ERCC3: variants seen among roughly 807,000 people sequenced by gnomAD.
The protein encoded by ERCC3 is ERCC excision repair 3, TFIIH core complex helicase subunit, also known as general transcription and DNA repair factor IIH helicase/translocase subunit XPB.
Under a neutral mutation model 94.2 loss-of-function variants are expected in ERCC3, and 66 were observed. The ratio of observed to expected loss-of-function variants is 0.70; its 90% CI spans 0.57 to 0.86. The LOEUF is 0.86. Ranked by LOEUF, ERCC3 falls within the 40% of genes least tolerant of loss-of-function variation. ERCC3 has a pLI of 0.00. For synonymous variants in ERCC3, 349 were observed against 369.1 expected, an observed-to-expected ratio of 0.95 and a Z score of 0.63; for missense variants, 829 against 987.1, an observed-to-expected ratio of 0.84 and a Z score of 2.15.
Position 127,257,640 on chromosome 2 carries a change from G to A in ERCC3, c.2305C>T (p.Pro769Ser). The A allele has an allele frequency of 2.5e-6, 4 of 1,614,152 alleles. No homozygotes were observed. The highest frequency in any genetic ancestry group is 3.4e-6 in the Non-Finnish European group (4 of 1,180,032). ...MEYHSSRSKA[P>S]SKHVHPLFKR... The stretch of plus-strand genomic sequence containing the variant: ...AAGAGCGGGTGTACATGTTTGCTGG[G>A]CGCCTTGCTCCGCGATGAGTGGTAC... The change falls in exon 15 of 15, where the codon CCC becomes TCC. Residue 769 changes from proline (P) to serine (S), a missense_variant. Transcript: ENST00000285398. The surrounding 1 kb of genome is among the most constrained non-coding windows in gnomAD (Gnocchi z 5.4).
chr2:127,259,385 G>T lies in ERCC3; in HGVS notation c.2128C>A (p.Gln710Lys). Residue 710 changes from glutamine to lysine, a missense_variant, in exon 14 of 15, where the codon CAG (glutamine) becomes AAG (lysine). Gln to Lys is a moderately conservative substitution (Grantham distance 53). Transcript: ENST00000285398. This position sits in a 1 kb window ranked among gnomAD's most constrained non-coding sequence, Gnocchi z 4.9. Reference protein sequence around the residue: ...DLAFSTKEEQQQLLQKVLAAT... With the variant: ...DLAFSTKEEQKQLLQKVLAAT... Reference sequence around the variant, plus strand: ...GCCAGGACTTTCTGTAAGAGCTGCTGTTGCTCTTCTTTTGTCGAAAACGCC... The same window carrying T: ...GCCAGGACTTTCTGTAAGAGCTGCTTTTGCTCTTCTTTTGTCGAAAACGCC... 6.2e-7 allele frequency: 1 copy of T among 1,614,218 alleles called. No homozygotes were observed. The highest frequency in any genetic ancestry group is 8.5e-7 in the Non-Finnish European group (1 of 1,180,044).
rs1684962148 is a variant in ERCC3, at chr2:127,282,942, C to T, written c.1343-2311G>A. On this transcript the variant is annotated intron_variant, in intron 8 of 14. Transcript: ENST00000285398. The stretch of plus-strand genomic sequence containing the variant: ...GTTAAAGAAAAACATGAACGTGTAC[C>T]AAACATATAGTCAGACAGAATGCCT... 2.0e-5 allele frequency among the ~76,000 whole-genome samples: 3 copies of T among 152,058 alleles called. No individual in the cohort carries two copies. The South Asian group carries it at 6.2e-4, about 32-fold the overall frequency.
chr2:127,279,290 G>A lies in ERCC3; in HGVS notation c.1613C>T (p.Pro538Leu). 1 of 1,613,890 alleles carries A rather than the reference G, an allele frequency of 6.2e-7. No homozygotes were observed. The highest frequency in any genetic ancestry group is 8.5e-7 in the Non-Finnish European group (1 of 1,179,842). Residue 538 changes from proline (P) to leucine (L), a missense_variant, in exon 10 of 15, where the codon CCC becomes CTC. Pro to Leu is a moderately conservative substitution (Grantham distance 98). Transcript: ENST00000285398. The surrounding 1 kb of genome is among the most constrained non-coding windows in gnomAD (Gnocchi z 4.7). ...KKRILLYTMN[P>L]NKFRACQFLI... is the part of the protein sequence containing the mutation. ...AAACTGGCAAGCTCTAAATTTGTTG[G>A]GGTTCATGGTGTACAGCAAGATTCG...
At chr2:127,290,089 T>G (rs150916355) in intron 4 of ERCC3, 135 bp downstream of exon 4, 2 of 844,632 alleles carry the variant, frequency 2.4e-6, no homozygotes, top group African/African-American at 3.3e-5. Flanking sequence ...GGGCCACATC[T>G]CTTGTTTCTC....
chr2:127,270,871 C>T (rs981708953), intron 12 of ERCC3, among the ~76,000 whole-genome samples: 46 of 152,360 alleles, frequency 3.0e-4, no homozygotes, highest in African/African-American at 7.7e-4. Context: ...TGCAAGCTGC[C>T]ACCAGGGCGG....
chr2:127,265,214 T>A (rs2104738280), intron 12 of ERCC3, among the ~76,000 whole-genome samples: 1 of 152,304 alleles, frequency 6.6e-6, no homozygotes, highest in South Asian at 2.1e-4. Flanking sequence ...TCAATTAATT[T>A]CTGATTCAAT....
chr2:127,271,977 G>A lies in ERCC3; in HGVS notation c.1828-524C>T, dbSNP rs909621864. On this transcript the variant is annotated intron_variant, in intron 11 of 14. Transcript: ENST00000285398. This position sits in a 1 kb window ranked among gnomAD's most constrained non-coding sequence, Gnocchi z 5.0. ...ACATGAAGGTTTGGTGCTTATAAGC[G>A]CCCAGCCACAATCACATAAAATCTC... is the stretch of plus-strand genomic sequence containing the variant. Among the ~76,000 whole-genome samples the A allele has an allele frequency of 4.8e-5, 7 of 146,270 alleles. No individual in the cohort carries two copies. Among genetic ancestry groups the A allele is most frequent in the East Asian group, 2.0e-4 (1 of 4,978 alleles).
At chr2:127,282,594 A>C (rs1214279262) in intron 8 of ERCC3, among the ~76,000 whole-genome samples, 1 of 152,164 alleles carries the variant, frequency 6.6e-6, no homozygotes, top group Non-Finnish European at 1.5e-5. Context: ...TGATCACTCC[A>C]CCTAACCCAA....
chr2:127,262,322 A>C (rs1259165034), intron 12 of ERCC3: 3 of 152,220 alleles, frequency 2.0e-5, no homozygotes, highest in Non-Finnish European at 4.4e-5. Flanking sequence ...GTGAAACTCC[A>C]TCTCTACTAA....
Position 127,258,098 on chromosome 2 carries a change from A to G in ERCC3, c.2218-371T>C, listed in dbSNP as rs1226751401. ...TCACTTAATAACAACTTCTGAACAA[A>G]CTTTTTTTTTTTAAGAGAGAAACAG... On this transcript the variant is annotated intron_variant, in intron 14 of 14. Transcript: ENST00000285398. This position sits in a 1 kb window ranked among gnomAD's most constrained non-coding sequence, Gnocchi z 4.1. Among the ~76,000 whole-genome samples the G allele has an allele frequency of 6.6e-6, 1 of 151,846 alleles. No homozygotes were observed. Among genetic ancestry groups the G allele is most frequent in the Non-Finnish European group, 1.5e-5 (1 of 67,964 alleles).
chr2:127,290,433 C>CT lies in ERCC3; in HGVS notation c.472-161dup, dbSNP rs1685229543. The CT allele has an allele frequency of 2.1e-5, 15 of 699,390 alleles. No individual in the cohort carries two copies. The South Asian group carries it at 2.3e-4, about 11-fold the overall frequency. 43.3% of individuals were successfully genotyped at this position (699,390 alleles called of 1,614,324 possible). ...AGTGGTCAGATGTGCCTAAACTGAG[C>CT]TTTTTCCATTGGCCTCTGCTTTCTG... On this transcript the variant is annotated intron_variant, in intron 3 of 14. Coordinates refer to ENST00000285398, the MANE Select transcript of ERCC3 (RefSeq NM_000122.2).
At chr2:127,278,597 C>T (rs1252995703) in intron 10 of ERCC3, among the ~76,000 whole-genome samples, 2 of 152,228 alleles carry the variant, frequency 1.3e-5, no homozygotes, top group Non-Finnish European at 2.9e-5. Flanking sequence ...GCAACACTTA[C>T]AGCACCTGAA....
In ERCC3 at chr2:127,258,352, G is replaced by C. The variant is rs1431620486; in HGVS notation, c.2218-625C>G. On this transcript the variant is annotated intron_variant, in intron 14 of 14. Transcript: ENST00000285398. This position sits in a 1 kb window ranked among gnomAD's most constrained non-coding sequence, Gnocchi z 4.1. Reference sequence around the variant, plus strand: ...CTGGGCTTGACTCTTGGCTCCTCCTGTCCCTGAGTAACCCTGAGGCAAGTA... The same window carrying C: ...CTGGGCTTGACTCTTGGCTCCTCCTCTCCCTGAGTAACCCTGAGGCAAGTA... 6.6e-6 allele frequency among the ~76,000 whole-genome samples: 1 copy of C among 152,196 alleles called. No individual in the cohort carries two copies. The highest frequency in any genetic ancestry group is 1.5e-5 in the Non-Finnish European group (1 of 68,036).
Position 127,293,673 on chromosome 2 carries a change from T to C in ERCC3, c.74A>G (p.Asp25Gly). Residue 25 changes from aspartate to glycine, a missense_variant, in exon 2 of 15, where the codon GAT becomes GGT. Physicochemically the swap from Asp to Gly is moderately conservative, Grantham distance 94 (BLOSUM62 -1). Coordinates refer to ENST00000285398, the MANE Select transcript of ERCC3 (RefSeq NM_000122.2). Reference sequence around the variant, plus strand: ...GTCGTTCCCCGGGGCGTCCTCTTCATCATCCTCTTCATCCTCATAGTGCCG... The same window carrying C: ...GTCGTTCCCCGGGGCGTCCTCTTCACCATCCTCTTCATCCTCATAGTGCCG... ...RKRHYEDEEDDEEDAPGNDPQ... is the reference protein window; with the variant it reads ...RKRHYEDEEDGEEDAPGNDPQ... 1 of 1,613,934 alleles carries C rather than the reference T, an allele frequency of 6.2e-7. No individual in the cohort carries two copies. The highest frequency in any genetic ancestry group is 1.1e-5 in the South Asian group (1 of 91,090).
intron 8 of ERCC3, among the ~76,000 whole-genome samples, chr2:127,282,426 A>G (rs1684944680): frequency 6.6e-6 from 1 of 152,250 alleles, no homozygotes; most frequent in Non-Finnish European, 1.5e-5. Context: ...ATACCTGTAG[A>G]AATAATGAAA....
At chr2:127,281,091 T>G (rs932051796) in intron 8 of ERCC3, 48 of 410,118 alleles carry the variant, frequency 1.2e-4, no homozygotes, top group Admixed American at 7.5e-4. Context: ...AGATGGCAAT[T>G]TGAAATACAA....
In ERCC3 at chr2:127,270,310, C is replaced by A. The variant is rs187757938; in HGVS notation, c.1945+1026G>T. ...AAAGTGCTGGGATTATAGGTGTAAG[C>A]CACTGTGCCCAGCCAGCCGACTACA... On this transcript the variant is annotated intron_variant, in intron 12 of 14. Transcript: ENST00000285398. Among the ~76,000 whole-genome samples, 15 of 152,276 alleles carry A rather than the reference C, an allele frequency of 9.9e-5. No individual in the cohort carries two copies. The South Asian group carries it at 1.7e-3, about 17-fold the overall frequency.
At position 127,286,969 on chromosome 2, in the gene ERCC3, T is replaced by C. The variant is rs370519739; in HGVS notation, c.1076A>G (p.Lys359Arg). 8.1e-5 allele frequency: 130 copies of C among 1,613,914 alleles called. No individual in the cohort carries two copies. The highest frequency in any genetic ancestry group is 1.7e-4 in the Admixed American group (10 of 60,014). Residue 359 changes from lysine (K) to arginine (R), a missense_variant, in exon 8 of 15, where the codon AAA becomes AGA. By Grantham distance (26) the Lys-to-Arg change is conservative (BLOSUM62 2). Transcript: ENST00000285398. ...TGAGTTGCCCAGCACCAGACAGCGT[T>C]TTCTGACAGTGCATGCAGCAGTCAC... ...VGVTAACTVR[K>R]RCLVLGNSAV...
chr2:127,278,464 T>C (rs1330481260), intron 10 of ERCC3, among the ~76,000 whole-genome samples: 1 of 152,174 alleles, frequency 6.6e-6, no homozygotes, highest in Non-Finnish European at 1.5e-5. Flanking sequence ...TTCTATGAGT[T>C]TGTCTTCCCT....
Sources: gnomAD v4.1 joint callset for allele counts (sites outside exome capture counted in the v4.1 genomes callset) on GRCh38, gnomAD v4.1.1 for gene constraint, Gnocchi (gnomAD v3.1) non-coding constraint, MANE v1.5 for transcripts, NCBI Gene and HGNC (gene_info 2026-07-23, HGNC 2026-07-21) for gene names.